GADL1: variants seen among roughly 807,000 people sequenced by gnomAD.
The protein encoded by GADL1 is acidic amino acid decarboxylase GADL1.
A neutral mutation model predicts 69.5 loss-of-function variants in GADL1; 71 were observed. That is an observed-to-expected ratio of 1.02 (90% confidence interval 0.84 to 1.25). The LOEUF (loss-of-function observed/expected upper bound fraction) is 1.25. Ranked by LOEUF, GADL1 falls within the 50% of genes most tolerant of loss-of-function variation. GADL1 has a pLI of 0.00. For synonymous variants in GADL1, 254 were observed against 214.4 expected, an observed-to-expected ratio of 1.18 and a Z score of -1.62; for missense variants, 737 against 631.8, an observed-to-expected ratio of 1.17 and a Z score of -1.79.
intron 13 of GADL1, among the ~76,000 whole-genome samples, chr3:30,778,473 A>AG (rs1384762614): frequency 6.6e-6 from 1 of 152,212 alleles, no homozygotes; most frequent in Non-Finnish European, 1.5e-5. Flanking sequence ...TGCACCTAGC[A>AG]GGTTCTCTTT....
At chr3:30,755,562 G>C (rs923383543) in intron 14 of GADL1, among the ~76,000 whole-genome samples, 1 of 150,310 alleles carries the variant, frequency 6.7e-6, no homozygotes, top group Admixed American at 6.6e-5. Context: ...AATATGTTAC[G>C]ACAGGAAATC....
At chr3:30,769,411 C>T (rs1696364072) in intron 14 of GADL1, among the ~76,000 whole-genome samples, 1 of 152,056 alleles carries the variant, frequency 6.6e-6, no homozygotes, top group African/African-American at 2.4e-5. Flanking sequence ...CAGATACCTC[C>T]TTAGGTTACG....
intron 1 of GADL1, among the ~76,000 whole-genome samples, chr3:30,872,087 C>T (rs1698500013): frequency 6.6e-6 from 1 of 151,918 alleles, no homozygotes; most frequent in Admixed American, 6.6e-5. Flanking sequence ...TCCAAACCAC[C>T]TCCACCCACC....
At chr3:30,856,458 T>A (rs1443793860) in intron 3 of GADL1, among the ~76,000 whole-genome samples, 1 of 152,108 alleles carries the variant, frequency 6.6e-6, no homozygotes, top group Non-Finnish European at 1.5e-5. Context: ...ATCAAAAACT[T>A]GGAATGTATT....
intron 14 of GADL1, among the ~76,000 whole-genome samples, chr3:30,754,782 G>A (rs761177100): frequency 2.6e-5 from 4 of 152,146 alleles, no homozygotes; most frequent in Non-Finnish European, 4.4e-5. Context: ...AAATGTAGAA[G>A]ATGTAATTAC....
chr3:30,764,636 ATATT>A (rs1198731595), intron 14 of GADL1, among the ~76,000 whole-genome samples: 1 of 152,248 alleles, frequency 6.6e-6, no homozygotes, highest in Non-Finnish European at 1.5e-5. Context: ...CTCAATAAAT[ATATT>A]GTTTGAGTAG....
chr3:30,779,869 G>C (rs1464707144), intron 13 of GADL1, among the ~76,000 whole-genome samples: 1 of 152,194 alleles, frequency 6.6e-6, no homozygotes, highest in Non-Finnish European at 1.5e-5. Context: ...CTTAGACTTT[G>C]TCAGCAGAGG....
intron 12 of GADL1, chr3:30,798,334 TGGA>T (rs1216653423): frequency 2.6e-5 from 4 of 153,018 alleles, no homozygotes; most frequent in Middle Eastern, 3.3e-3. Flanking sequence ...TCCCTGAGGC[TGGA>T]GGAGGCCTCA....
chr3:30,807,510 G>A (rs900253330), intron 11 of GADL1, among the ~76,000 whole-genome samples: 1 of 152,194 alleles, frequency 6.6e-6, no homozygotes, highest in Non-Finnish European at 1.5e-5. Context: ...GGTAGATGCT[G>A]TGGGTCTTTA....
At chr3:30,865,666 G>C (rs1040611306) in intron 1 of GADL1, among the ~76,000 whole-genome samples, 7 of 152,064 alleles carry the variant, frequency 4.6e-5, no homozygotes, top group Middle Eastern at 3.4e-3. Flanking sequence ...AGAACCCCGG[G>C]AACAGTCAGC....
intron 14 of GADL1, among the ~76,000 whole-genome samples, chr3:30,774,268 C>T (rs1015547566): frequency 6.6e-6 from 1 of 152,100 alleles, no homozygotes; most frequent in African/African-American, 2.4e-5. Context: ...AACTGTGTCC[C>T]ATGTTTTACA....
chr3:30,842,124 G>A lies in GADL1; in HGVS notation c.786+2086C>T, dbSNP rs137923363. Among the ~76,000 whole-genome samples, 6 of 152,008 alleles carry A rather than the reference G, an allele frequency of 3.9e-5. 1 individual carries two copies. Among genetic ancestry groups the A allele is most frequent in the Non-Finnish European group, 4.4e-5 (3 of 68,008 alleles). ...AGATCAGAAAACATTTACATTTGAC[G>A]TATCAACCAAATGCAATTTGTGAAC... is the stretch of plus-strand genomic sequence containing the variant. On this transcript the variant is annotated intron_variant, in intron 8 of 14. Transcript: ENST00000282538.
At position 30,886,366 on chromosome 3, in the gene GADL1, C is replaced by T. The variant is rs149962008; in HGVS notation, c.37+8212G>A. 1.3e-3 allele frequency among the ~76,000 whole-genome samples: 199 copies of T among 152,230 alleles called. 2 individuals are homozygous for T. The highest frequency in any genetic ancestry group is 4.6e-3 in the African/African-American group (189 of 41,538). ...ACACCAAAAGACAAGGTGTTGATTTCTCACCACTAATTTTTACAGTATCCA... is the reference window on the plus strand; with the variant it reads ...ACACCAAAAGACAAGGTGTTGATTTTTCACCACTAATTTTTACAGTATCCA... On this transcript the variant is annotated intron_variant, in intron 1 of 14. Coordinates refer to ENST00000282538, the MANE Select transcript of GADL1 (RefSeq NM_207359.3).
rs1698124790 is a variant in GADL1, at chr3:30,850,049, T to G, written c.598A>C (p.Lys200Gln). 1.2e-6 allele frequency: 2 copies of G among 1,612,194 alleles called. No homozygotes were observed. Among genetic ancestry groups the G allele is most frequent in the Non-Finnish European group, 1.7e-6 (2 of 1,178,526 alleles). The change falls in exon 6 of 15, where the codon AAG (lysine) becomes CAG (glutamine). Residue 200 changes from lysine to glutamine, a missense_variant. Coordinates refer to ENST00000282538, the MANE Select transcript of GADL1 (RefSeq NM_207359.3). ...GGCGAACCAGACAGCCCCTTTTCCT[T>G]AATATCAGGACAATATTTGTATCTA... ...LARYKYCPDIKEKGLSGSPRL... is the reference protein window; with the variant it reads ...LARYKYCPDIQEKGLSGSPRL...
rs1281788988 is a variant in GADL1 at position 30,827,343 on chromosome 3, A to ATT, written c.1050+6509_1050+6510insAA. ...GCATTAGGACCAGTACACATTTATG[A>ATT]CTAGGTGGTAACTGATGATTGAGAT... On this transcript the variant is annotated intron_variant, in intron 11 of 14. Transcript: ENST00000282538. Among the ~76,000 whole-genome samples the ATT allele has an allele frequency of 2.1e-3, 321 of 151,876 alleles. 1 individual carries two copies. The highest frequency in any genetic ancestry group is 3.5e-3 in the Non-Finnish European group (236 of 67,830).
chr3:30,871,823 C>T lies in GADL1; in HGVS notation c.38-10058G>A, dbSNP rs544712041. Among the ~76,000 whole-genome samples, 12 of 151,898 alleles carry T rather than the reference C, an allele frequency of 7.9e-5. No homozygotes were observed. The South Asian group carries it at 2.5e-3, about 31-fold the overall frequency. On this transcript the variant is annotated intron_variant, in intron 1 of 14. Transcript: ENST00000282538. ...GCTCCTCAGAAGGGAGTCTCTGAAA[C>T]AGCCAGAAAAATAGCTGGCAGTGTC...
intron 3 of GADL1, among the ~76,000 whole-genome samples, chr3:30,855,280 T>C (rs909251127): frequency 5.3e-5 from 8 of 152,124 alleles, no homozygotes; most frequent in Non-Finnish European, 1.2e-4. Context: ...TTGATTTACT[T>C]GCTCCTCTTT....
At chr3:30,797,702 G>T in intron 12 of GADL1, 1 of 150,188 alleles carries the variant, frequency 6.7e-6, no homozygotes, top group South Asian at 2.2e-4. Context: ...TGTAAGAAAT[G>T]ATAGGGACTG....
At chr3:30,786,228 A>G in intron 13 of GADL1, 127 bp downstream of exon 13, 1 of 686,032 alleles carries the variant, frequency 1.5e-6, no homozygotes, top group East Asian at 2.7e-5. Context: ...TAGACTATGA[A>G]TTAAGCTAAT....
Sources: gnomAD v4.1 joint callset for allele counts (sites outside exome capture counted in the v4.1 genomes callset) on GRCh38, gnomAD v4.1.1 for gene constraint, MANE v1.5 for transcripts, NCBI Gene and HGNC (gene_info 2026-07-23, HGNC 2026-07-21) for gene names.